Variants in NAV2 observed in about 807,000 individuals in gnomAD.
The protein encoded by NAV2 is neuron navigator 2.
A neutral mutation model predicts 223.2 loss-of-function variants in NAV2; 54 were observed. The ratio of observed to expected loss-of-function variants is 0.24; its 90% CI spans 0.19 to 0.30. The LOEUF (loss-of-function observed/expected upper bound fraction) is 0.30. Ranked by LOEUF, NAV2 falls within the 10% of genes least tolerant of loss-of-function variation. The pLI is 1.00. For synonymous variants in NAV2, 1,279 were observed against 1,239.3 expected, an observed-to-expected ratio of 1.03 and a Z score of -0.67; for missense variants, 2,806 against 3,147.5, an observed-to-expected ratio of 0.89 and a Z score of 2.60.
At chr11:19,989,201 A>G (rs2051092827) in intron 11 of NAV2, among the ~76,000 whole-genome samples, 1 of 152,204 alleles carries the variant, frequency 6.6e-6, no homozygotes, top group Non-Finnish European at 1.5e-5. Context: ...GTCAGCTGAC[A>G]GGGAGATTAC....
At chr11:20,048,144 G>A (rs533963291) in intron 14 of NAV2, among the ~76,000 whole-genome samples, 6 of 152,290 alleles carry the variant, frequency 3.9e-5, no homozygotes, top group African/African-American at 1.2e-4. Context: ...GGATAAGTAA[G>A]CTCTCTGGCT....
chr11:19,916,359 A>G (rs1218012759), intron 6 of NAV2, among the ~76,000 whole-genome samples: 1 of 152,204 alleles, frequency 6.6e-6, no homozygotes, highest in Non-Finnish European at 1.5e-5. Context: ...TTTTACTAAG[A>G]AAGAGAAATA....
chr11:20,020,352 G>C (rs2054393141), intron 11 of NAV2, among the ~76,000 whole-genome samples: 1 of 152,166 alleles, frequency 6.6e-6, no homozygotes, highest in African/African-American at 2.4e-5. Context: ...ATGAGTTCTG[G>C]GAGCCCTTTG....
chr11:19,444,497 T>C (rs746253414), intron 1 of NAV2, among the ~76,000 whole-genome samples: 2 of 152,206 alleles, frequency 1.3e-5, no homozygotes, highest in Non-Finnish European at 2.9e-5. Context: ...GGTTTAACCA[T>C]GTGCTGAAGA....
chr11:19,959,874 C>T (rs10734286), intron 10 of NAV2, among the ~76,000 whole-genome samples: 149,312 of 152,236 alleles, frequency 0.98, 73,283 homozygotes, highest in Middle Eastern at 1. Flanking sequence ...TCTTCCCCCC[C>T]CACCATCTGG....
chr11:20,028,897 C>T (rs1297522446), intron 11 of NAV2, among the ~76,000 whole-genome samples: 1 of 152,156 alleles, frequency 6.6e-6, no homozygotes, highest in Non-Finnish European at 1.5e-5. Flanking sequence ...AGTTTGCAAA[C>T]TCAAATTGCA....
At chr11:19,778,536 AAAAG>A (rs901029355) in intron 1 of NAV2, among the ~76,000 whole-genome samples, 9 of 152,106 alleles carry the variant, frequency 5.9e-5, no homozygotes, top group East Asian at 3.9e-4. Flanking sequence ...AAAAAAAACA[AAAAG>A]AAAGAAAGAA....
chr11:20,089,556 CTCA>C (rs148987847), intron 26 of NAV2, among the ~76,000 whole-genome samples: 4,136 of 152,222 alleles, frequency 0.027, 187 homozygotes, highest in African/African-American at 0.09. Context: ...AGACCACATG[CTCA>C]TCATCTCCTT....
chr11:20,004,718 G>A lies in NAV2; in HGVS notation c.2768+20471G>A, dbSNP rs150267435. Among the ~76,000 whole-genome samples, 409 of 152,270 alleles carry A rather than the reference G, an allele frequency of 2.7e-3. 5 individuals are homozygous for A. Among genetic ancestry groups the A allele is most frequent in the African/African-American group, 9.2e-3 (382 of 41,548 alleles). Reference sequence around the variant, plus strand: ...TTGCTTTTCACATTACAAACATGAAGCCCTCATCATGGACTACACTGGCCT... The same window carrying A: ...TTGCTTTTCACATTACAAACATGAAACCCTCATCATGGACTACACTGGCCT... On this transcript the variant is annotated intron_variant, in intron 11 of 37. Transcript: ENST00000349880.
intron 26 of NAV2, among the ~76,000 whole-genome samples, chr11:20,084,499 A>G (rs1565024046): frequency 6.6e-6 from 1 of 152,130 alleles, no homozygotes; most frequent in Admixed American, 6.5e-5. Flanking sequence ...TTCTTGGAGA[A>G]CACCCTAGTA....
At chr11:19,898,581 T>C (rs997191235) in intron 6 of NAV2, among the ~76,000 whole-genome samples, 2 of 152,200 alleles carry the variant, frequency 1.3e-5, no homozygotes, top group African/African-American at 4.8e-5. Context: ...CACAATATCG[T>C]TTAATCACTT....
intron 1 of NAV2, among the ~76,000 whole-genome samples, chr11:19,391,144 C>T (rs1849232380): frequency 6.6e-6 from 1 of 152,180 alleles, no homozygotes; most frequent in Non-Finnish European, 1.5e-5. Context: ...CACACTGCCT[C>T]CTGCTGCCCC....
chr11:19,678,745 T>A (rs553689627), intron 1 of NAV2, among the ~76,000 whole-genome samples: 8 of 152,296 alleles, frequency 5.3e-5, no homozygotes, highest in African/African-American at 1.9e-4. Context: ...GCCATTCAAA[T>A]GTTGAGCATC....
chr11:19,654,086 A>G (rs1052194533), intron 1 of NAV2, among the ~76,000 whole-genome samples: 1 of 152,260 alleles, frequency 6.6e-6, no homozygotes, highest in Admixed American at 6.5e-5. Flanking sequence ...AAGCATTCTT[A>G]TACACAAATA....
At chr11:20,077,848 TG>T in intron 23 of NAV2, 144 bp from the exon 24 acceptor site, 1 of 722,496 alleles carries the variant, frequency 1.4e-6, no homozygotes, top group Non-Finnish European at 2.4e-6. Flanking sequence ...TACTTTTATG[TG>T]TTTGTTCATG....
At chr11:20,103,212 C>T in intron 32 of NAV2, 43 bp from the exon 33 acceptor site, 1 of 1,580,142 alleles carries the variant, frequency 6.3e-7, no homozygotes, top group South Asian at 1.2e-5. Context: ...TCACTGAGTG[C>T]ATTCACCCAC....
At chr11:19,733,016 A>G (rs888633145) in intron 1 of NAV2, among the ~76,000 whole-genome samples, 5 of 152,252 alleles carry the variant, frequency 3.3e-5, no homozygotes, top group African/African-American at 4.8e-5. Context: ...AGCTTTGAAA[A>G]TGTGGTATTT....
At chr11:20,046,537 T>C (rs2057446082) in intron 14 of NAV2, among the ~76,000 whole-genome samples, 1 of 151,342 alleles carries the variant, frequency 6.6e-6, no homozygotes, top group Non-Finnish European at 1.5e-5. Context: ...TCCCCACATA[T>C]ACTTTTACGC....
At chr11:19,393,625 C>T (rs560810546) in intron 1 of NAV2, among the ~76,000 whole-genome samples, 3 of 152,320 alleles carry the variant, frequency 2.0e-5, no homozygotes, top group African/African-American at 7.2e-5. Context: ...CAACGGAAAT[C>T]GTATCAGCTG....
Sources: allele counts gnomAD v4.1 joint callset (sites outside exome capture counted in the v4.1 genomes callset), GRCh38; gene constraint gnomAD v4.1.1; transcripts MANE v1.5; gene names NCBI Gene and HGNC (gene_info 2026-07-23, HGNC 2026-07-21).